The following SHC2 variants were observed in gnomAD, a reference collection of about 807,000 sequenced individuals.
The protein encoded by SHC2 is SHC adaptor protein 2.
Under a neutral mutation model 60.6 loss-of-function variants are expected in SHC2, and 62 were observed. That is an observed-to-expected ratio of 1.02 (90% confidence interval 0.83 to 1.26). The LOEUF is 1.26. Ranked by LOEUF, SHC2 falls within the 50% of genes most tolerant of loss-of-function variation. The pLI, the probability that SHC2 is intolerant of heterozygous loss-of-function variation, is 0.00. For synonymous variants in SHC2, 375 were observed against 372.4 expected (o/e 1.01, Z -0.08); for missense variants, 873 against 822.2 (o/e 1.06, Z -0.76).
Position 428,527 on chromosome 19 carries a change from G to A in SHC2, c.1174+2157C>T, listed in dbSNP as rs113523800. On this transcript the variant is annotated intron_variant, in intron 9 of 12. Transcript: ENST00000264554. ...GGACACAGCAAGGTGGAAGATGGAT[G>A]GGTAGCACACCCTATCTGCAAAAAC... Among the ~76,000 whole-genome samples, 467 of 152,308 alleles carry A rather than the reference G, an allele frequency of 3.1e-3. 4 individuals are homozygous for A. Among genetic ancestry groups the A allele is most frequent in the African/African-American group, 1.0e-2 (415 of 41,558 alleles).
At position 440,629 on chromosome 19, in the gene SHC2, G is replaced by A. The variant is rs561630687; in HGVS notation, c.539+233C>T. ...CTTGCCCAGCACCCTGTGAGCGACC[G>A]GCGTGTTCTTTCCATCTTAGAGGAT... On this transcript the variant is annotated intron_variant, in intron 2 of 12. Coordinates refer to ENST00000264554, the MANE Select transcript of SHC2 (RefSeq NM_012435.3). This position sits in a 1 kb window ranked among gnomAD's most constrained non-coding sequence, Gnocchi z 7.0. Among the ~76,000 whole-genome samples, 10 of 152,318 alleles carry A rather than the reference G, an allele frequency of 6.6e-5. No individual in the cohort carries two copies. Among genetic ancestry groups the A allele is most frequent in the African/African-American group, 1.7e-4 (7 of 41,580 alleles).
At position 445,007 on chromosome 19, in the gene SHC2, G is replaced by C. The variant is rs770898031; in HGVS notation, c.469-4075C>G. Among the ~76,000 whole-genome samples, 4 of 152,240 alleles carry C rather than the reference G, an allele frequency of 2.6e-5. No individual in the cohort carries two copies. Among genetic ancestry groups the C allele is most frequent in the African/African-American group, 7.2e-5 (3 of 41,472 alleles). On this transcript the variant is annotated intron_variant, in intron 1 of 12. Transcript: ENST00000264554. This position sits in a 1 kb window ranked among gnomAD's most constrained non-coding sequence, Gnocchi z 4.4. ...ACCCCTGGGCTCCAGGATCTGCACTGCTCCCCCTGCACGACGGGAAGAGGC... is the reference window on the plus strand; with the variant it reads ...ACCCCTGGGCTCCAGGATCTGCACTCCTCCCCCTGCACGACGGGAAGAGGC...
rs1373728311 is a variant in SHC2, at chr19:425,173, C to T, written c.1233G>A (p.Glu411=). Residue 411 remains glutamate, a synonymous_variant, in exon 10 of 13, where the codon GAG becomes GAA. Transcript: ENST00000264554. The surrounding 1 kb of genome is among the most constrained non-coding windows in gnomAD (Gnocchi z 4.1). The part of the protein sequence containing the change: ...ADARGPPDHE[E]HLYVNTQGLD... ...GACCCTGGGTGTTGACATACAGGTG[C>T]TCCTCGTGGTCCGGGGGGCCCCGGG... 4.4e-6 allele frequency: 6 copies of T among 1,357,218 alleles called. No individual in the cohort carries two copies. Among genetic ancestry groups the T allele is most frequent in the Non-Finnish European group, 5.7e-6 (6 of 1,045,824 alleles). The allele number at this position is 1,357,218 out of a possible 1,614,324, so 84.1% of individuals were successfully genotyped here. A position where few individuals can be genotyped will look rare whatever the true frequency, so the allele number is the denominator to read the frequency against.
At chr19:437,930 GCCT>G (rs1974762097) in intron 4 of SHC2, among the ~76,000 whole-genome samples, 1 of 152,126 alleles carries the variant, frequency 6.6e-6, no homozygotes, top group South Asian at 2.1e-4. Context: ...CCCTCACCTG[GCCT>G]CACAATGCTT....
chr19:460,055 C>A (rs572374576), intron 1 of SHC2, among the ~76,000 whole-genome samples: 13 of 152,352 alleles, frequency 8.5e-5, no homozygotes, highest in Non-Finnish European at 1.8e-4. Context: ...CTTCCTTGGC[C>A]GCCCTGGAAG....
In SHC2 at chr19:439,088, G is replaced by A. The variant is rs1462936994; in HGVS notation, c.540-58C>T. ...GGTGGGGGTGGCCATGGAGGGAGCT[G>A]GGGAGGAAGGGGTCAGAGAGGGCGG... is the stretch of plus-strand genomic sequence containing the variant. On this transcript the variant is annotated intron_variant, in intron 2 of 12. Transcript: ENST00000264554. The A allele has an allele frequency of 1.0e-5, 11 of 1,054,482 alleles. No homozygotes were observed. The East Asian group carries it at 2.8e-4, about 27-fold the overall frequency. 65.3% of individuals were successfully genotyped at this position (1,054,482 alleles called of 1,614,324 possible). A position where few individuals can be genotyped will look rare whatever the true frequency, so the allele number is the denominator to read the frequency against.
rs1002622431 is a variant in SHC2, at chr19:455,442, G to A, written c.468+5087C>T. 2.6e-5 allele frequency among the ~76,000 whole-genome samples: 4 copies of A among 152,232 alleles called. No homozygotes were observed. In the East Asian group the frequency reaches 5.8e-4, roughly 22 times the overall value. On this transcript the variant is annotated intron_variant, in intron 1 of 12. Coordinates refer to ENST00000264554, the MANE Select transcript of SHC2 (RefSeq NM_012435.3). Reference sequence around the variant, plus strand: ...AACTCAGCACCGCGCAGGACTCGGCGTGAGCCTCGGCGCCGGAGGTACTGC... The same window carrying A: ...AACTCAGCACCGCGCAGGACTCGGCATGAGCCTCGGCGCCGGAGGTACTGC...
rs1416558066 is a variant in SHC2, at chr19:436,396, G to T, written c.810C>A (p.Asp270Glu). The stretch of plus-strand genomic sequence containing the variant: ...GGGCCTCACCTCTCTGGTTGATGGG[G>T]TCCTTGGCGACGTAGGCCACGTAAT... The part of the protein sequence containing the change: ...MTDYVAYVAK[D>E]PINQRACHIL... The change falls in exon 6 of 13, where the codon GAC (aspartate) becomes GAA (glutamate). Residue 270 changes from aspartate (D) to glutamate (E), a missense_variant. Coordinates refer to ENST00000264554, the MANE Select transcript of SHC2 (RefSeq NM_012435.3). The T allele has an allele frequency of 1.9e-6, 3 of 1,594,070 alleles. No individual in the cohort carries two copies. Among genetic ancestry groups the T allele is most frequent in the Non-Finnish European group, 2.6e-6 (3 of 1,167,578 alleles).
In SHC2 at chr19:425,530, A is replaced by ACCCCG. The variant is rs1363373710; in HGVS notation, c.1175-304_1175-300dup. 8.5e-5 allele frequency among the ~76,000 whole-genome samples: 13 copies of ACCCCG among 152,114 alleles called. No homozygotes were observed. The highest frequency in any genetic ancestry group is 3.1e-4 in the African/African-American group (13 of 41,494). ...GAGAAGGCAGCCGCTGCTCCACCCC[A>ACCCCG]CCCCGCCCTGGCCCTCCCCGGCCCA... On this transcript the variant is annotated intron_variant, in intron 9 of 12. Transcript: ENST00000264554. This position sits in a 1 kb window ranked among gnomAD's most constrained non-coding sequence, Gnocchi z 4.1.
In SHC2 at chr19:438,791, C is replaced by A; in HGVS notation, c.647G>T (p.Arg216Leu). The A allele has an allele frequency of 6.3e-7, 1 of 1,576,426 alleles. No homozygotes were observed. The highest frequency in any genetic ancestry group is 2.3e-5 in the East Asian group (1 of 42,646). The stretch of plus-strand genomic sequence containing the variant: ...GATGGAGATGCTCATGCCGGCAAAG[C>A]GAAGGTTGCTCTTGCCCAGGACGGA... ...LASVLGKSNL[R>L]FAGMSISIHI... The change falls in exon 4 of 13, where the codon CGC (arginine) becomes CTC (leucine). Residue 216 changes from arginine (R) to leucine (L), a missense_variant. Coordinates refer to ENST00000264554, the MANE Select transcript of SHC2 (RefSeq NM_012435.3). The surrounding 1 kb of genome is among the most constrained non-coding windows in gnomAD (Gnocchi z 5.0).
At position 440,775 on chromosome 19, in the gene SHC2, G is replaced by C. The variant is rs929456279; in HGVS notation, c.539+87C>G. 114 of 1,187,940 alleles carry C rather than the reference G, an allele frequency of 9.6e-5. No individual in the cohort carries two copies. The highest frequency in any genetic ancestry group is 1.4e-4 in the Non-Finnish European group (109 of 799,780). 73.6% of individuals were successfully genotyped at this position (1,187,940 alleles called of 1,614,324 possible). On this transcript the variant is annotated intron_variant, in intron 2 of 12. Coordinates refer to ENST00000264554, the MANE Select transcript of SHC2 (RefSeq NM_012435.3). This position sits in a 1 kb window ranked among gnomAD's most constrained non-coding sequence, Gnocchi z 7.0. ...TCCTGGGACCCCAGCGCGGCTGTCGGAGAGCCCATCGCTGCCGCCCTCCAG... is the reference window on the plus strand; with the variant it reads ...TCCTGGGACCCCAGCGCGGCTGTCGCAGAGCCCATCGCTGCCGCCCTCCAG...
chr19:435,021 A>G (rs1190721229), intron 7 of SHC2, among the ~76,000 whole-genome samples, 156 bp from the exon 8 acceptor site: 4 of 152,238 alleles, frequency 2.6e-5, no homozygotes. Context: ...TTCTAGAGCC[A>G]GTGACCAGGC....
rs1320914659 is a variant in SHC2, at chr19:445,423, C to A, written c.469-4491G>T. On this transcript the variant is annotated intron_variant, in intron 1 of 12. Coordinates refer to ENST00000264554, the MANE Select transcript of SHC2 (RefSeq NM_012435.3). The surrounding 1 kb of genome is among the most constrained non-coding windows in gnomAD (Gnocchi z 4.4). ...GGCGCCTCGATCGTGGCCCTCCCAG[C>A]CTCCAGAACCGTGAGAAATAAATTT... is the stretch of plus-strand genomic sequence containing the variant. Among the ~76,000 whole-genome samples, 1 of 152,236 alleles carries A rather than the reference C, an allele frequency of 6.6e-6. No individual in the cohort carries two copies. The highest frequency in any genetic ancestry group is 1.5e-5 in the Non-Finnish European group (1 of 68,044).
chr19:422,351 C>T lies in SHC2; in HGVS notation c.1415G>A (p.Arg472Gln), dbSNP rs370591093. ...TTCCTCCGTGGGGGCCACAGGGGCC[C>T]GGCGGGTAGGGGGGCTGGGCCACTG... ...EDQWPSPPTR[R>Q]APVAPTEEQL... The change falls in exon 11 of 13, where the codon CGG becomes CAG. Residue 472 changes from arginine to glutamine, a missense_variant. By Grantham distance (43) the Arg-to-Gln change is conservative. Transcript: ENST00000264554. This position sits in a 1 kb window ranked among gnomAD's most constrained non-coding sequence, Gnocchi z 5.0. 44 of 1,607,104 alleles carry T rather than the reference C, an allele frequency of 2.7e-5. No individual in the cohort carries two copies. Among genetic ancestry groups the T allele is most frequent in the South Asian group, 2.0e-4 (18 of 90,008 alleles).
At position 453,438 on chromosome 19, in the gene SHC2, G is replaced by GT. The variant is rs1180546100; in HGVS notation, c.468+7090dup. ...GTGTGCACCACCCTGCCTGGCTAAT[G>GT]TTTTTTCTTTTTTGGTAGAGACAGG... On this transcript the variant is annotated intron_variant, in intron 1 of 12. Transcript: ENST00000264554. The surrounding 1 kb of genome is among the most constrained non-coding windows in gnomAD (Gnocchi z 6.3). 2.0e-5 allele frequency among the ~76,000 whole-genome samples: 3 copies of GT among 152,184 alleles called. No homozygotes were observed. In the East Asian group the frequency reaches 5.8e-4, roughly 29 times the overall value.
chr19:430,544 G>T, intron 9 of SHC2, 140 bp downstream of exon 9: 1 of 663,438 alleles, frequency 1.5e-6, no homozygotes, highest in Non-Finnish European at 2.6e-6. Flanking sequence ...AATCTCAGCA[G>T]AGTGTTAGGA....
chr19:460,997 G>C lies in SHC2; in HGVS notation c.-1C>G, dbSNP rs1975540556. The C allele has an allele frequency of 4.2e-6, 4 of 960,656 alleles. No homozygotes were observed. Among genetic ancestry groups the C allele is most frequent in the Non-Finnish European group, 5.0e-6 (4 of 807,518 alleles). 59.5% of individuals were successfully genotyped at this position (960,656 alleles called of 1,614,324 possible). ...CGCGCCCGCCCGGACCCTGCGTCAT[G>C]GCCGCGGCCGCCCGACGGAGCCCGA... On this transcript the variant is annotated 5_prime_UTR_variant, in exon 1 of 13. Transcript: ENST00000264554.
At chr19:444,508 C>T (rs996654580) in intron 1 of SHC2, among the ~76,000 whole-genome samples, 5 of 152,070 alleles carry the variant, frequency 3.3e-5, no homozygotes, top group Non-Finnish European at 5.9e-5. Flanking sequence ...GTTGTGGGGA[C>T]ACCAGCCTAG....
chr19:425,097 G>C lies in SHC2; in HGVS notation c.1309C>G (p.Arg437Gly). Residue 437 changes from arginine to glycine, a missense_variant and splice_region_variant, in exon 10 of 13, where the codon CGA becomes GGA. Physicochemically the swap from Arg to Gly is moderately radical, Grantham distance 125 (BLOSUM62 -2). Transcript: ENST00000264554. This position sits in a 1 kb window ranked among gnomAD's most constrained non-coding sequence, Gnocchi z 4.1. ...DSPKKDLFDM[R>G]PFEDALKLHE... is the part of the protein sequence containing the mutation. The stretch of plus-strand genomic sequence containing the variant: ...GGCCGCCCCCCAGGCTGCCACATAC[G>C]CATGTCAAACAGATCCTTTTTGGGG... The C allele has an allele frequency of 7.2e-7, 1 of 1,396,242 alleles. No individual in the cohort carries two copies. The highest frequency in any genetic ancestry group is 9.4e-7 in the Non-Finnish European group (1 of 1,067,056). The allele number at this position is 1,396,242 out of a possible 1,614,324, so 86.5% of individuals were successfully genotyped here.
Sources: gnomAD v4.1 joint callset for allele counts (sites outside exome capture counted in the v4.1 genomes callset) on GRCh38, gnomAD v4.1.1 for gene constraint, Gnocchi (gnomAD v3.1) non-coding constraint, MANE v1.5 for transcripts, NCBI Gene and HGNC (gene_info 2026-07-23, HGNC 2026-07-21) for gene names.